Variants in CSMD2 observed in about 807,000 individuals in gnomAD.
CSMD2 encodes the protein CUB and sushi domain-containing protein 2.
CSMD2 carries 130 observed loss-of-function variants against 398.5 expected under a neutral mutation model. The observed-to-expected ratio is 0.33, with a 90% CI of 0.28 to 0.38. CSMD2 has a LOEUF of 0.38. Among genes scored for constraint, CSMD2 ranks in the 10% least tolerant of loss-of-function variants. CSMD2 has a pLI of 1.00. For synonymous variants in CSMD2, 1,828 were observed against 1,908.5 expected, an observed-to-expected ratio of 0.96 and a Z score of 1.10; for missense variants, 3,829 against 4,764.9, an observed-to-expected ratio of 0.80 and a Z score of 5.78.
chr1:33,882,392 T>C (rs747183551), intron 5 of CSMD2, among the ~76,000 whole-genome samples: 8 of 152,220 alleles, frequency 5.3e-5, no homozygotes, highest in African/African-American at 1.4e-4. Context: ...ATGGACAACA[T>C]TTGTAATTTC....
At chr1:33,977,607 A>C in intron 3 of CSMD2, among the ~76,000 whole-genome samples, 1 of 151,442 alleles carries the variant, frequency 6.6e-6, no homozygotes, top group South Asian at 2.1e-4. Flanking sequence ...CCAACCCCTC[A>C]CTGCACCTCC....
chr1:33,832,233 C>A (rs545769330), intron 6 of CSMD2, among the ~76,000 whole-genome samples: 7 of 151,900 alleles, frequency 4.6e-5, no homozygotes, highest in Admixed American at 4.6e-4. Flanking sequence ...CACACCATAA[C>A]TATTCCAAAA....
chr1:33,809,158 G>A (rs1656568727), intron 10 of CSMD2, among the ~76,000 whole-genome samples: 1 of 151,918 alleles, frequency 6.6e-6, no homozygotes, highest in Non-Finnish European at 1.5e-5. Flanking sequence ...TAGAAAGAGA[G>A]GAAATACTCT....
chr1:33,921,450 G>C (rs1351990352), intron 4 of CSMD2, among the ~76,000 whole-genome samples: 1 of 152,210 alleles, frequency 6.6e-6, no homozygotes, highest in Admixed American at 6.5e-5. Flanking sequence ...TTCCGAGCAA[G>C]CACCGGGCCC....
intron 26 of CSMD2, among the ~76,000 whole-genome samples, chr1:33,659,943 A>G (rs1372030252): frequency 6.6e-6 from 1 of 152,258 alleles, no homozygotes; most frequent in African/African-American, 2.4e-5. Context: ...ACTTATTTGT[A>G]AAGTCAAATA....
intron 44 of CSMD2, among the ~76,000 whole-genome samples, chr1:33,590,981 CT>C (rs11374822): frequency 0.054 from 3,627 of 67,246 alleles, 20 homozygotes; most frequent in African/African-American, 0.066. Context: ...TTTTATTTAT[CT>C]TTTTTTTTTT....
At chr1:33,592,210 CTCAA>C (rs1167862698) in intron 44 of CSMD2, 11 of 581,964 alleles carry the variant, frequency 1.9e-5, no homozygotes, top group Non-Finnish European at 3.1e-5. Context: ...TTTTCCACTT[CTCAA>C]TCATTCTCTT....
At chr1:34,095,358 G>C (rs1659155682) in intron 1 of CSMD2, among the ~76,000 whole-genome samples, 1 of 149,308 alleles carries the variant, frequency 6.7e-6, no homozygotes, top group Non-Finnish European at 1.5e-5. Context: ...AACTAGAAAA[G>C]CAAGAGCAAA....
chr1:34,101,731 C>T (rs1250105111), intron 1 of CSMD2, among the ~76,000 whole-genome samples: 1 of 151,810 alleles, frequency 6.6e-6, no homozygotes, highest in Non-Finnish European at 1.5e-5. Context: ...TTTTTTCCCT[C>T]ATTTCTTACC....
intron 2 of CSMD2, among the ~76,000 whole-genome samples, chr1:34,085,131 C>CA (rs1374835476): frequency 1.3e-5 from 2 of 151,706 alleles, no homozygotes; most frequent in African/African-American, 2.4e-5. Context: ...ATCACAAGGA[C>CA]AAAAAACCAA....
At chr1:34,086,128 C>G (rs138407266) in intron 2 of CSMD2, among the ~76,000 whole-genome samples, 60 of 152,252 alleles carry the variant, frequency 3.9e-4, no homozygotes, top group African/African-American at 1.4e-3. Flanking sequence ...ATAACTCCAG[C>G]AGGCAGAATT....
intron 41 of CSMD2, among the ~76,000 whole-genome samples, chr1:33,608,879 C>T (rs1640812073): frequency 1.3e-5 from 2 of 152,178 alleles, no homozygotes; most frequent in Non-Finnish European, 2.9e-5. Context: ...GTTTGTGGTA[C>T]TTTCTTATGG....
chr1:33,656,187 G>A (rs776838320), intron 27 of CSMD2, among the ~76,000 whole-genome samples: 33 of 152,136 alleles, frequency 2.2e-4, no homozygotes, highest in Non-Finnish European at 4.0e-4. Flanking sequence ...AAGGAAATTA[G>A]TATTTCTTGA....
At chr1:33,840,239 T>C (rs1469313860) in intron 6 of CSMD2, 2 of 152,198 alleles carry the variant, frequency 1.3e-5, no homozygotes, top group Non-Finnish European at 1.5e-5. Context: ...GAAAGAGAGA[T>C]GTTTAAGAAA....
At chr1:33,832,792 G>T (rs1303575117) in intron 6 of CSMD2, among the ~76,000 whole-genome samples, 1 of 151,422 alleles carries the variant, frequency 6.6e-6, no homozygotes, top group African/African-American at 2.4e-5. Context: ...GAATCAAACA[G>T]ACACAATAAA....
intron 7 of CSMD2, among the ~76,000 whole-genome samples, chr1:33,822,084 G>A (rs928950139): frequency 1.3e-5 from 2 of 152,140 alleles, no homozygotes; most frequent in African/African-American, 2.4e-5. Context: ...GAGTTCTGGT[G>A]GGGAGAAGGC....
chr1:33,739,064 G>T, intron 15 of CSMD2, 76 bp downstream of exon 15: 1 of 1,431,548 alleles, frequency 7.0e-7, no homozygotes, highest in Non-Finnish European at 9.5e-7. Flanking sequence ...GAACCACCAT[G>T]GCCTGGGCTG....
chr1:33,722,415 A>G (rs1318777497), intron 19 of CSMD2, among the ~76,000 whole-genome samples: 2 of 152,270 alleles, frequency 1.3e-5, no homozygotes, highest in Non-Finnish European at 2.9e-5. Flanking sequence ...TCAGCAGTCA[A>G]TAGCATGCAA....
chr1:34,083,923 A>ATACATTGT (rs2148347883), intron 2 of CSMD2, among the ~76,000 whole-genome samples: 1 of 152,240 alleles, frequency 6.6e-6, no homozygotes, highest in African/African-American at 2.4e-5. Flanking sequence ...ACAATGCCTG[A>ATACATTGT]TACACATTAA....
Sources: allele counts gnomAD v4.1 joint callset (sites outside exome capture counted in the v4.1 genomes callset), GRCh38; gene constraint gnomAD v4.1.1; transcripts MANE v1.5; gene names NCBI Gene and HGNC (gene_info 2026-07-23, HGNC 2026-07-21).